The following SH3BGRL2 variants were observed in gnomAD, a reference collection of about 807,000 sequenced individuals.
SH3BGRL2 encodes the protein SH3 domain binding glutamate rich protein like 2, also known as SH3 domain-binding glutamic acid-rich-like protein 2.
Under a neutral mutation model 14.8 loss-of-function variants are expected in SH3BGRL2, and 21 were observed. That is an observed-to-expected ratio of 1.42 (90% CI 1.01 to 2.05). The LOEUF (loss-of-function observed/expected upper bound fraction) is 2.05. SH3BGRL2 is among the 30% of genes most tolerant of loss of function. SH3BGRL2 has a pLI of 0.00. For missense variants in SH3BGRL2, 147 were observed against 130.8 expected (o/e 1.12, Z -0.61); for synonymous variants, 50 against 47.8 (o/e 1.05, Z -0.19).
the SH3BGRL2 span, among the ~76,000 whole-genome samples, chr6:79,623,318 T>C: frequency 6.9e-6 from 1 of 143,914 alleles, no homozygotes; most frequent in Non-Finnish European, 1.5e-5. Flanking sequence ...AAAAAAAAAA[T>C]GTCTGATTTA....
At chr6:79,541,256 A>C in the SH3BGRL2 span, among the ~76,000 whole-genome samples, 1 of 152,194 alleles carries the variant, frequency 6.6e-6, no homozygotes, top group Non-Finnish European at 1.5e-5. Flanking sequence ...CAGTCTCAAA[A>C]AAAAAGAAGT....
chr6:79,617,101 C>T, the SH3BGRL2 span, among the ~76,000 whole-genome samples: 1 of 151,866 alleles, frequency 6.6e-6, no homozygotes, highest in Non-Finnish European at 1.5e-5. Flanking sequence ...AGGAGAATTG[C>T]TTGAACCCAG....
the SH3BGRL2 span, among the ~76,000 whole-genome samples, chr6:79,614,899 T>C: frequency 6.6e-6 from 1 of 152,126 alleles, no homozygotes; most frequent in African/African-American, 2.4e-5. Flanking sequence ...CTTTCTGATT[T>C]GGTGAGACTC....
the SH3BGRL2 span, among the ~76,000 whole-genome samples, chr6:79,613,069 T>G: frequency 6.6e-6 from 1 of 152,208 alleles, no homozygotes; most frequent in Non-Finnish European, 1.5e-5. Context: ...CCAGTCTTCC[T>G]GGGACCTTCA....
chr6:79,576,416 A>G, the SH3BGRL2 span, among the ~76,000 whole-genome samples: 1 of 152,124 alleles, frequency 6.6e-6, no homozygotes, highest in Non-Finnish European at 1.5e-5. Flanking sequence ...TTATTCTTGT[A>G]TGGTAATCTT....
At chr6:79,583,078 T>C in the SH3BGRL2 span, among the ~76,000 whole-genome samples, 1 of 152,222 alleles carries the variant, frequency 6.6e-6, no homozygotes, top group East Asian at 1.9e-4. Flanking sequence ...AAAACCACAA[T>C]GAGATACCAT....
intron 2 of SH3BGRL2, among the ~76,000 whole-genome samples, chr6:79,689,332 A>C (rs1770163055): frequency 6.6e-6 from 1 of 152,136 alleles, no homozygotes; most frequent in Non-Finnish European, 1.5e-5. Flanking sequence ...CATAACATAA[A>C]AATAACGCTT....
At chr6:79,690,973 T>G (rs1040192306) in intron 2 of SH3BGRL2, among the ~76,000 whole-genome samples, 1 of 152,168 alleles carries the variant, frequency 6.6e-6, no homozygotes, top group Non-Finnish European at 1.5e-5. Flanking sequence ...CATAGATGAA[T>G]TTTTTGATTT....
intron 2 of SH3BGRL2, among the ~76,000 whole-genome samples, chr6:79,676,219 C>G (rs1437615069): frequency 6.6e-6 from 1 of 152,004 alleles, no homozygotes; most frequent in African/African-American, 2.4e-5. Context: ...ACTTCCTATC[C>G]CTATTTTCAG....
the SH3BGRL2 span, among the ~76,000 whole-genome samples, chr6:79,543,328 C>T: frequency 1.4e-4 from 21 of 152,236 alleles, no homozygotes; most frequent in Middle Eastern, 3.4e-3. Context: ...TCATTTCAGG[C>T]CAGCTACATT....
At chr6:79,578,409 C>T in the SH3BGRL2 span, among the ~76,000 whole-genome samples, 1 of 152,198 alleles carries the variant, frequency 6.6e-6, no homozygotes, top group Non-Finnish European at 1.5e-5. Flanking sequence ...GGAGGCCCCT[C>T]TGGGACAAAG....
chr6:79,547,733 T>C, the SH3BGRL2 span, among the ~76,000 whole-genome samples: 213 of 152,282 alleles, frequency 1.4e-3, 4 homozygotes, highest in African/African-American at 5.0e-3. Flanking sequence ...TCCAAAATGT[T>C]TCAATGATGA....
chr6:79,640,363 A>G (rs1769007002), intron 1 of SH3BGRL2, among the ~76,000 whole-genome samples: 1 of 152,234 alleles, frequency 6.6e-6, no homozygotes, highest in Non-Finnish European at 1.5e-5. Context: ...CTAAAACAGA[A>G]ATAAAGCTTG....
At chr6:79,684,889 C>T (rs750831290) in intron 2 of SH3BGRL2, among the ~76,000 whole-genome samples, 4 of 152,112 alleles carry the variant, frequency 2.6e-5, no homozygotes, top group Non-Finnish European at 5.9e-5. Context: ...CAGATGTTTT[C>T]CTGTAAATAT....
At chr6:79,607,413 G>A in the SH3BGRL2 span, among the ~76,000 whole-genome samples, 1 of 152,120 alleles carries the variant, frequency 6.6e-6, no homozygotes, top group Non-Finnish European at 1.5e-5. Flanking sequence ...GGCTCTTATT[G>A]CTTCCTTTTC....
the SH3BGRL2 span, among the ~76,000 whole-genome samples, chr6:79,591,085 G>T: frequency 6.6e-6 from 1 of 152,030 alleles, no homozygotes; most frequent in South Asian, 2.1e-4. Flanking sequence ...CCAGAATTAG[G>T]CCCTGGTGTT....
At chr6:79,600,647 A>G in the SH3BGRL2 span, among the ~76,000 whole-genome samples, 1 of 152,118 alleles carries the variant, frequency 6.6e-6, no homozygotes, top group Non-Finnish European at 1.5e-5. Flanking sequence ...CAGAACCTGC[A>G]TTTAACCAGG....
chr6:79,540,664 G>A, the SH3BGRL2 span, among the ~76,000 whole-genome samples: 1 of 152,002 alleles, frequency 6.6e-6, no homozygotes, highest in Non-Finnish European at 1.5e-5. Flanking sequence ...GAAAACTTGA[G>A]ATGTTTGTAA....
At chr6:79,538,368 T>C in the SH3BGRL2 span, among the ~76,000 whole-genome samples, 1 of 152,224 alleles carries the variant, frequency 6.6e-6, no homozygotes, top group African/African-American at 2.4e-5. Context: ...ACCTCGTTTT[T>C]CCACCTTTGC....
Sources: gnomAD v4.1 joint callset for allele counts (sites outside exome capture counted in the v4.1 genomes callset) on GRCh38, gnomAD v4.1.1 for gene constraint, MANE v1.5 for transcripts, NCBI Gene and HGNC (gene_info 2026-07-23, HGNC 2026-07-21) for gene names.